Variants in AP5M1 observed in about 807,000 individuals in gnomAD.
The protein encoded by AP5M1 is adaptor related protein complex 5 subunit mu 1.
AP5M1 carries 44 observed loss-of-function variants against 52.3 expected under a neutral mutation model. The ratio of observed to expected loss-of-function variants is 0.84; its 90% confidence interval spans 0.66 to 1.08. The LOEUF is 1.08. Ranked by LOEUF, AP5M1 falls within the 50% of genes least tolerant of loss-of-function variation. The pLI is 0.00. For missense variants in AP5M1, 526 were observed against 568.4 expected, an observed-to-expected ratio of 0.93 and a Z score of 0.76; for synonymous variants, 213 against 199.0, an observed-to-expected ratio of 1.07 and a Z score of -0.59.
rs1364760829 is a variant in AP5M1 at position 57,292,684 on chromosome 14, C to G, written c.*3800C>G. On this transcript the variant is annotated 3_prime_UTR_variant, in exon 8 of 8. Transcript: ENST00000261558. ...TATACTTAACTGGCCTTGACATAAC[C>G]AAAAATCAAAGCAGTGGCTACAACT... 2 of 151,686 alleles carry G rather than the reference C, an allele frequency of 1.3e-5. No homozygotes were observed. Among genetic ancestry groups the G allele is most frequent in the African/African-American group, 4.8e-5 (2 of 41,356 alleles). 9.4% of individuals were successfully genotyped at this position (151,686 alleles called of 1,614,324 possible). A position where few individuals can be genotyped will look rare whatever the true frequency, so the allele number is the denominator to read the frequency against.
chr14:57,271,758 A>C lies in AP5M1; in HGVS notation c.74+2370A>C, dbSNP rs900413044. Among the ~76,000 whole-genome samples the C allele has an allele frequency of 2.6e-5, 4 of 152,178 alleles. No homozygotes were observed. In the East Asian group the frequency reaches 7.7e-4, roughly 29 times the overall value. ...ATATTTCCCAAAAATATCTTCCTAC[A>C]TTGTCTTCTCTTTATAATTTCATCT... On this transcript the variant is annotated intron_variant, in intron 1 of 7. Transcript: ENST00000261558.
At chr14:57,284,582 G>A (rs1369094509) in intron 6 of AP5M1, among the ~76,000 whole-genome samples, 1 of 152,066 alleles carries the variant, frequency 6.6e-6, no homozygotes, top group Non-Finnish European at 1.5e-5. Flanking sequence ...AGGGAGAAGG[G>A]AGAAAAATGA....
chr14:57,281,274 G>T (rs1326752340), intron 3 of AP5M1, among the ~76,000 whole-genome samples: 1 of 152,036 alleles, frequency 6.6e-6, no homozygotes, highest in African/African-American at 2.4e-5. Flanking sequence ...GAAACTGCCT[G>T]GATTTGAACC....
At chr14:57,286,138 C>T (rs1378587233) in intron 6 of AP5M1, 85 bp from the exon 7 acceptor site, 2 of 884,010 alleles carry the variant, frequency 2.3e-6, no homozygotes, top group Non-Finnish European at 3.6e-6. Context: ...AATAAATTCC[C>T]TAAGACTGGG....
intron 2 of AP5M1, chr14:57,275,136 G>T: frequency 4.0e-6 from 2 of 497,176 alleles, no homozygotes. Context: ...CATAGTTTCT[G>T]TAGGGATTAG....
intron 6 of AP5M1, among the ~76,000 whole-genome samples, chr14:57,285,324 G>A (rs1487886775): frequency 6.6e-6 from 1 of 152,114 alleles, no homozygotes; most frequent in African/African-American, 2.4e-5. Flanking sequence ...TTCAAAAGTA[G>A]GAATTACGAT....
At chr14:57,279,033 A>G (rs1183715177) in intron 2 of AP5M1, among the ~76,000 whole-genome samples, 1 of 152,198 alleles carries the variant, frequency 6.6e-6, no homozygotes, top group Non-Finnish European at 1.5e-5. Context: ...AAAAAACAAC[A>G]GGTGCTGGCA....
chr14:57,281,586 CT>C (rs1461539823), intron 3 of AP5M1, among the ~76,000 whole-genome samples: 3 of 152,238 alleles, frequency 2.0e-5, no homozygotes, highest in African/African-American at 7.2e-5. Flanking sequence ...GACCTTACAG[CT>C]TTAGGGCTTG....
chr14:57,287,575 A>G (rs1378690685), intron 7 of AP5M1, among the ~76,000 whole-genome samples: 1 of 152,146 alleles, frequency 6.6e-6, no homozygotes, highest in Non-Finnish European at 1.5e-5. Context: ...TCCAGAGAAC[A>G]TAATACAAGA....
rs1431547270 is a variant in AP5M1 at position 57,295,710 on chromosome 14, T to G, written c.*6826T>G. The G allele has an allele frequency of 1.3e-5, 2 of 151,398 alleles. No homozygotes were observed. Among genetic ancestry groups the G allele is most frequent in the African/African-American group, 2.4e-5 (1 of 41,258 alleles). 9.4% of individuals were successfully genotyped at this position (151,398 alleles called of 1,614,324 possible). A position where few individuals can be genotyped will look rare whatever the true frequency, so the allele number is the denominator to read the frequency against. ...AAGATTTTTGTCTCTAGGAAATATA[T>G]TCCATTAAAAAAAAAAAGAAAGAAA... On this transcript the variant is annotated 3_prime_UTR_variant, in exon 8 of 8. Coordinates refer to ENST00000261558, the MANE Select transcript of AP5M1 (RefSeq NM_018229.4).
Position 57,286,255 on chromosome 14 carries a change from T to C in AP5M1, c.1326T>C (p.Thr442=). ...TTAGGATCTTAGATTACACACTTAC[T>C]GGATGTTATGCAGATCAGCATTCAG... The part of the protein sequence containing the change: ...LHFRILDYTL[T]GCYADQHSVQ... The change falls in exon 7 of 8, where the codon ACT becomes ACC. Residue 442 remains threonine (T), a synonymous_variant. Coordinates refer to ENST00000261558, the MANE Select transcript of AP5M1 (RefSeq NM_018229.4). The C allele has an allele frequency of 6.2e-7, 1 of 1,612,712 alleles. No individual in the cohort carries two copies. The highest frequency in any genetic ancestry group is 8.5e-7 in the Non-Finnish European group (1 of 1,178,988).
chr14:57,282,730 AAT>A lies in AP5M1; in HGVS notation c.1089-202_1089-201del, dbSNP rs1288315374. Among the ~76,000 whole-genome samples, 3 of 152,202 alleles carry A rather than the reference AAT, an allele frequency of 2.0e-5. No homozygotes were observed. In the East Asian group the frequency reaches 5.8e-4, roughly 29 times the overall value. The stretch of plus-strand genomic sequence containing the variant: ...TAGTTGTCTTAAGGATTAATAATGA[AAT>A]ACACATCATCACCAAAAATGTTTAT... On this transcript the variant is annotated intron_variant, in intron 4 of 7. Coordinates refer to ENST00000261558, the MANE Select transcript of AP5M1 (RefSeq NM_018229.4).
At chr14:57,283,988 A>G (rs576208681) in intron 6 of AP5M1, among the ~76,000 whole-genome samples, 26 of 152,328 alleles carry the variant, frequency 1.7e-4, no homozygotes, top group African/African-American at 6.3e-4. Context: ...CTCTGTCTCA[A>G]AAACAAAAAA....
chr14:57,270,622 A>G (rs1178312416), intron 1 of AP5M1, among the ~76,000 whole-genome samples: 1 of 152,156 alleles, frequency 6.6e-6, no homozygotes, highest in Admixed American at 6.5e-5. Context: ...GACCTCAAAT[A>G]CAGGAGATTA....
In AP5M1 at chr14:57,290,277, A is replaced by G. The variant is rs1885409634; in HGVS notation, c.*1393A>G. ...ATCATGGCATAAGGTTCTATGTTCA[A>G]AATTATCCCAAGTAACAAAGAAAAA... On this transcript the variant is annotated 3_prime_UTR_variant, in exon 8 of 8. Transcript: ENST00000261558. 1.3e-5 allele frequency: 2 copies of G among 151,990 alleles called. No individual in the cohort carries two copies. Among genetic ancestry groups the G allele is most frequent in the African/African-American group, 2.4e-5 (1 of 41,426 alleles). The allele number at this position is 151,990 out of a possible 1,614,324, so 9.4% of individuals were successfully genotyped here.
intron 3 of AP5M1, among the ~76,000 whole-genome samples, chr14:57,281,551 C>G (rs758874672): frequency 6.6e-6 from 1 of 152,260 alleles, no homozygotes; most frequent in Non-Finnish European, 1.5e-5. Flanking sequence ...TCTCCTCTTT[C>G]AACTGGCTTT....
chr14:57,269,475 G>C (rs1307652620), intron 1 of AP5M1, 87 bp downstream of exon 1: 14 of 1,325,088 alleles, frequency 1.1e-5, no homozygotes, highest in African/African-American at 1.4e-5. Flanking sequence ...GCCCAGGTTT[G>C]CCACGAATAG....
At chr14:57,275,453 G>A (rs1272616481) in intron 2 of AP5M1, 9 of 151,046 alleles carry the variant, frequency 6.0e-5, no homozygotes, top group Admixed American at 5.4e-4. Context: ...AGAAGAGAGA[G>A]AAGAGAGAAG....
chr14:57,282,854 A>T, intron 4 of AP5M1, 80 bp from the exon 5 acceptor site: 1 of 873,564 alleles, frequency 1.1e-6, no homozygotes, highest in East Asian at 2.5e-5. Flanking sequence ...GTATTAAGTA[A>T]CAGTGGCCAA....
Sources: allele counts gnomAD v4.1 joint callset (sites outside exome capture counted in the v4.1 genomes callset), GRCh38; gene constraint gnomAD v4.1.1; transcripts MANE v1.5; gene names NCBI Gene and HGNC (gene_info 2026-07-23, HGNC 2026-07-21).